The following SHISA9 variants were observed in gnomAD, a reference collection of about 807,000 sequenced individuals.
SHISA9 encodes shisa family member 9.
Under a neutral mutation model 38.0 loss-of-function variants are expected in SHISA9, and 13 were observed. That is an observed-to-expected ratio of 0.34 (90% CI 0.22 to 0.54). The LOEUF is 0.54. Among genes scored for constraint, SHISA9 ranks in the 20% least tolerant of loss-of-function variants. SHISA9 has a pLI of 0.91. For missense variants in SHISA9, 538 were observed against 575.8 expected, an observed-to-expected ratio of 0.93 and a Z score of 0.67; for synonymous variants, 275 against 242.0, an observed-to-expected ratio of 1.14 and a Z score of -1.27.
the SHISA9 span, among the ~76,000 whole-genome samples, chr16:13,356,757 A>G: frequency 0.014 from 2,124 of 152,278 alleles, 56 homozygotes; most frequent in African/African-American, 0.048. Flanking sequence ...CACTGGGCAC[A>G]GAGACTAGGA....
intron 2 of SHISA9, among the ~76,000 whole-genome samples, chr16:13,186,689 C>T (rs972284221): frequency 1.3e-5 from 2 of 152,074 alleles, no homozygotes; most frequent in Admixed American, 1.3e-4. Flanking sequence ...TTCATCTTCC[C>T]AAAATGAAAC....
At chr16:13,115,185 C>T (rs1230136502) in intron 2 of SHISA9, among the ~76,000 whole-genome samples, 1 of 152,160 alleles carries the variant, frequency 6.6e-6, no homozygotes, top group Non-Finnish European at 1.5e-5. Flanking sequence ...TATTTAACAA[C>T]CCATATTGCT....
chr16:13,302,355 A>G, the SHISA9 span, among the ~76,000 whole-genome samples: 75 of 152,114 alleles, frequency 4.9e-4, no homozygotes, highest in African/African-American at 1.8e-3. Context: ...CTCCCCTATA[A>G]ATAGTTCTAA....
chr16:13,138,259 G>A lies in SHISA9; in HGVS notation c.692-65135G>A, dbSNP rs114972680. 7.2e-3 allele frequency among the ~76,000 whole-genome samples: 1,101 copies of A among 152,280 alleles called. 11 individuals carry two copies. Among genetic ancestry groups the A allele is most frequent in the African/African-American group, 0.025 (1,023 of 41,544 alleles). On this transcript the variant is annotated intron_variant, in intron 2 of 4. Transcript: ENST00000558583. Reference sequence around the variant, plus strand: ...TCCCAGAGCAACTGAATCAGAAGCTGCATTTTAATAAAATGTGTGGGTAAC... The same window carrying A: ...TCCCAGAGCAACTGAATCAGAAGCTACATTTTAATAAAATGTGTGGGTAAC...
Position 13,238,962 on chromosome 16 carries a change from T to G in SHISA9, c.*3553T>G, listed in dbSNP as rs1219415195. On this transcript the variant is annotated 3_prime_UTR_variant, in exon 5 of 5. Transcript: ENST00000558583. ...AACTCGTCATTTAGCATTAGCTATA[T>G]CTCCTAATGCTATCCCTCCCCCCTC... 2.0e-5 allele frequency: 3 copies of G among 148,756 alleles called. No individual in the cohort carries two copies. Among genetic ancestry groups the G allele is most frequent in the African/African-American group, 4.9e-5 (2 of 40,424 alleles). The allele number at this position is 148,756 out of a possible 1,614,324, so 9.2% of individuals were successfully genotyped here. A position where few individuals can be genotyped will look rare whatever the true frequency, so the allele number is the denominator to read the frequency against.
the SHISA9 span, among the ~76,000 whole-genome samples, chr16:13,446,573 G>A: frequency 2.0e-5 from 3 of 152,228 alleles, no homozygotes; most frequent in East Asian, 5.8e-4. Flanking sequence ...TGAGCTGGGG[G>A]TTAGAAGGAT....
At chr16:13,549,043 G>A in the SHISA9 span, among the ~76,000 whole-genome samples, 18,922 of 152,190 alleles carry the variant, frequency 0.12, 1,515 homozygotes, top group South Asian at 0.27. Flanking sequence ...AAAAAAGAGA[G>A]AAAATTCCTG....
In SHISA9 at chr16:12,901,790, C is replaced by A. The variant is rs2071017263; in HGVS notation, c.-275C>A. 6.8e-6 allele frequency: 1 copy of A among 147,422 alleles called. No individual in the cohort carries two copies. Among genetic ancestry groups the A allele is most frequent in the Non-Finnish European group, 1.5e-5 (1 of 66,362 alleles). 9.1% of individuals were successfully genotyped at this position (147,422 alleles called of 1,614,324 possible). On this transcript the variant is annotated 5_prime_UTR_variant, in exon 1 of 5. Coordinates refer to ENST00000558583, the MANE Select transcript of SHISA9 (RefSeq NM_001145204.3). ...CCGGACCTGCACCCCGCGCTTGACCCCGCTCATCCTCCCCCCGCCCGGCCG... is the reference window on the plus strand; with the variant it reads ...CCGGACCTGCACCCCGCGCTTGACCACGCTCATCCTCCCCCCGCCCGGCCG...
chr16:13,442,054 G>T, the SHISA9 span, among the ~76,000 whole-genome samples: 1 of 152,238 alleles, frequency 6.6e-6, no homozygotes, highest in African/African-American at 2.4e-5. Context: ...GTGCTTGCCT[G>T]TTGGCAAGAA....
chr16:13,176,707 T>TC (rs1012546297), intron 2 of SHISA9, among the ~76,000 whole-genome samples: 24 of 152,162 alleles, frequency 1.6e-4, no homozygotes, highest in African/African-American at 5.5e-4. Flanking sequence ...GTTTTTTTTT[T>TC]CCCCAAGAAG....
At chr16:13,293,065 T>G in the SHISA9 span, among the ~76,000 whole-genome samples, 1 of 152,158 alleles carries the variant, frequency 6.6e-6, no homozygotes, top group Non-Finnish European at 1.5e-5. Flanking sequence ...TCTTGGCTAC[T>G]GTATTTACTG....
chr16:13,499,834 C>T, the SHISA9 span, among the ~76,000 whole-genome samples: 1 of 152,122 alleles, frequency 6.6e-6, no homozygotes, highest in South Asian at 2.1e-4. Context: ...ACCTTTTGTC[C>T]TTGCGCAGGG....
chr16:12,902,742 T>C, intron 1 of SHISA9, 115 bp downstream of exon 1: 4 of 1,119,632 alleles, frequency 3.6e-6, no homozygotes, highest in Non-Finnish European at 4.9e-6. Context: ...CATCCCAGCC[T>C]CTCCGCTGGG....
the SHISA9 span, among the ~76,000 whole-genome samples, chr16:13,338,973 G>A: frequency 6.6e-6 from 1 of 152,184 alleles, no homozygotes; most frequent in East Asian, 1.9e-4. Context: ...CTTGGTACAT[G>A]GAATTTCAGG....
At chr16:13,080,591 G>A (rs1026545680) in intron 2 of SHISA9, among the ~76,000 whole-genome samples, 2 of 152,186 alleles carry the variant, frequency 1.3e-5, no homozygotes, top group African/African-American at 4.8e-5. Flanking sequence ...CCTAAAAGAA[G>A]AGCAGGATTG....
At chr16:13,025,667 C>T (rs28568893) in intron 2 of SHISA9, among the ~76,000 whole-genome samples, 1 of 152,342 alleles carries the variant, frequency 6.6e-6, no homozygotes, top group South Asian at 2.1e-4. Flanking sequence ...AGTTGAGTGC[C>T]TCCTTGGCAA....
chr16:13,329,123 C>T, the SHISA9 span, among the ~76,000 whole-genome samples: 22 of 152,202 alleles, frequency 1.4e-4, no homozygotes, highest in Non-Finnish European at 2.2e-4. Context: ...AGGCAAAGGC[C>T]CCATTTGCAT....
chr16:12,922,765 G>A (rs7202534), intron 2 of SHISA9, among the ~76,000 whole-genome samples: 3 of 151,072 alleles, frequency 2.0e-5, no homozygotes, highest in Non-Finnish European at 4.4e-5. Flanking sequence ...GGTGATCCAC[G>A]TGCCTTAGCC....
At chr16:13,154,893 G>C (rs888051971) in intron 2 of SHISA9, among the ~76,000 whole-genome samples, 1 of 152,208 alleles carries the variant, frequency 6.6e-6, no homozygotes, top group East Asian at 1.9e-4. Flanking sequence ...GGTTGTTTCT[G>C]CCTCCCCAAG....
Sources: allele counts gnomAD v4.1 joint callset (sites outside exome capture counted in the v4.1 genomes callset), GRCh38; gene constraint gnomAD v4.1.1; transcripts MANE v1.5; gene names NCBI Gene and HGNC (gene_info 2026-07-23, HGNC 2026-07-21).